The following NUBPL variants were observed in gnomAD, a reference collection of about 807,000 sequenced individuals.
NUBPL encodes iron-sulfur cluster transfer protein NUBPL.
NUBPL carries 31 observed loss-of-function variants against 45.7 expected under a neutral mutation model. The observed-to-expected ratio is 0.68, with a 90% CI of 0.51 to 0.92. NUBPL has a LOEUF of 0.92. NUBPL is among the 40% of genes least tolerant of loss of function. The pLI is 0.00. For synonymous variants in NUBPL, 144 were observed against 140.9 expected (o/e 1.02, Z -0.15); for missense variants, 401 against 398.7 (o/e 1.01, Z -0.05).
chr14:31,703,655 C>T (rs1280290178), intron 6 of NUBPL, among the ~76,000 whole-genome samples: 1 of 152,204 alleles, frequency 6.6e-6, no homozygotes, highest in Non-Finnish European at 1.5e-5. Flanking sequence ...GTCTTGAGAA[C>T]AGCATGGGAA....
At chr14:31,824,732 G>C (rs999467929) in intron 7 of NUBPL, among the ~76,000 whole-genome samples, 2 of 151,986 alleles carry the variant, frequency 1.3e-5, no homozygotes, top group African/African-American at 2.4e-5. Context: ...AGTATCATTT[G>C]ACCTTCACTT....
rs181140211 is a variant in NUBPL at position 31,774,578 on chromosome 14, C to T, written c.514-13202C>T. On this transcript the variant is annotated intron_variant, in intron 6 of 10. Coordinates refer to ENST00000281081, the MANE Select transcript of NUBPL (RefSeq NM_025152.3). Reference sequence around the variant, plus strand: ...ACACCATATTCTTTATAACGGATGTCCTGAAAAAGACAAATTACCTTATCT... The same window carrying T: ...ACACCATATTCTTTATAACGGATGTTCTGAAAAAGACAAATTACCTTATCT... Among the ~76,000 whole-genome samples, 284 of 152,206 alleles carry T rather than the reference C, an allele frequency of 1.9e-3. 3 individuals are homozygous for T. The highest frequency in any genetic ancestry group is 0.01 in the Middle Eastern group (3 of 294).
intron 4 of NUBPL, among the ~76,000 whole-genome samples, chr14:31,637,988 A>G (rs1394952596): frequency 6.6e-6 from 1 of 152,124 alleles, no homozygotes; most frequent in Non-Finnish European, 1.5e-5. Context: ...GTGTCTCTGC[A>G]CGTGAGATGG....
At chr14:31,849,276 C>T (rs1208893186) in intron 9 of NUBPL, among the ~76,000 whole-genome samples, 1 of 152,104 alleles carries the variant, frequency 6.6e-6, no homozygotes, top group Non-Finnish European at 1.5e-5. Context: ...ATAACTTTTG[C>T]ATGGATTTGG....
chr14:31,850,169 C>A lies in NUBPL; in HGVS notation c.865C>A (p.Pro289Thr). The A allele has an allele frequency of 6.2e-7, 1 of 1,613,832 alleles. No homozygotes were observed. The highest frequency in any genetic ancestry group is 8.5e-7 in the Non-Finnish European group (1 of 1,179,844). ...AAGGGAAGCTTCAGATACAGGCCAG[C>A]CAATTGTGTTTTCACAGCCTGAAAG... ...NIREASDTGQ[P>T]IVFSQPESDE... The change falls in exon 10 of 11, where the codon CCA (proline) becomes ACA (threonine). Residue 289 changes from proline to threonine, a missense_variant. Physicochemically the swap from Pro to Thr is conservative, Grantham distance 38. Transcript: ENST00000281081.
rs184845225 is a variant in NUBPL at position 31,566,362 on chromosome 14, A to G, written c.291+1314A>G. On this transcript the variant is annotated intron_variant, in intron 3 of 10. Coordinates refer to ENST00000281081, the MANE Select transcript of NUBPL (RefSeq NM_025152.3). Reference sequence around the variant, plus strand: ...ATTCACCATAGAAACAGGTAGCATAAAAGGACTTTTAGGGAAGAAAATGTA... The same window carrying G: ...ATTCACCATAGAAACAGGTAGCATAGAAGGACTTTTAGGGAAGAAAATGTA... 7.7e-4 allele frequency among the ~76,000 whole-genome samples: 117 copies of G among 152,250 alleles called. No individual in the cohort carries two copies. In the East Asian group the frequency reaches 9.1e-3, roughly 12 times the overall value.
chr14:31,642,095 G>A (rs751533205), intron 4 of NUBPL, among the ~76,000 whole-genome samples: 6 of 152,058 alleles, frequency 3.9e-5, no homozygotes, highest in Non-Finnish European at 8.8e-5. Flanking sequence ...CTTGTCAGAT[G>A]GATAGTTTAC....
At chr14:31,786,145 G>A (rs939252914) in intron 6 of NUBPL, among the ~76,000 whole-genome samples, 2 of 151,258 alleles carry the variant, frequency 1.3e-5, no homozygotes, top group Non-Finnish European at 2.9e-5. Context: ...GTGATAGAGC[G>A]AGACCCTGTC....
intron 4 of NUBPL, among the ~76,000 whole-genome samples, chr14:31,648,729 A>G (rs1258404276): frequency 6.6e-6 from 1 of 152,226 alleles, no homozygotes; most frequent in African/African-American, 2.4e-5. Context: ...GTTAAACAAG[A>G]TAGTTTATTA....
At chr14:31,830,323 T>C (rs2040169123) in intron 8 of NUBPL, among the ~76,000 whole-genome samples, 1 of 152,232 alleles carries the variant, frequency 6.6e-6, no homozygotes, top group South Asian at 2.1e-4. Context: ...GAAGCCTCTT[T>C]CTTCAAGTAC....
rs572524182 is a variant in NUBPL at position 31,690,778 on chromosome 14, T to TGCAC, written c.513+17205_513+17208dup. 2.1e-3 allele frequency among the ~76,000 whole-genome samples: 321 copies of TGCAC among 152,268 alleles called. 1 individual carries two copies. The highest frequency in any genetic ancestry group is 7.4e-3 in the African/African-American group (306 of 41,554). On this transcript the variant is annotated intron_variant, in intron 6 of 10. Transcript: ENST00000281081. The stretch of plus-strand genomic sequence containing the variant: ...GATGAGGGATGAAGGGTTTCAGATA[T>TGCAC]GCACCTCAGAGAAATTCAAGACCTT...
chr14:31,675,551 A>G (rs562260815), intron 6 of NUBPL, among the ~76,000 whole-genome samples: 33 of 152,246 alleles, frequency 2.2e-4, no homozygotes, highest in Non-Finnish European at 3.7e-4. Flanking sequence ...TGTACAAATC[A>G]TGAGTATAAT....
chr14:31,775,936 G>C (rs1031222831), intron 6 of NUBPL, among the ~76,000 whole-genome samples: 2 of 152,206 alleles, frequency 1.3e-5, no homozygotes. Flanking sequence ...GATGGGGAGA[G>C]ACAGCCAGGT....
At chr14:31,776,050 T>G (rs1422191931) in intron 6 of NUBPL, among the ~76,000 whole-genome samples, 1 of 152,220 alleles carries the variant, frequency 6.6e-6, no homozygotes, top group Non-Finnish European at 1.5e-5. Context: ...TTATGGTAAT[T>G]TCTTTTCGTG....
intron 6 of NUBPL, among the ~76,000 whole-genome samples, chr14:31,695,282 G>A (rs1273233506): frequency 6.7e-6 from 1 of 150,022 alleles, no homozygotes; most frequent in African/African-American, 2.4e-5. Context: ...ACTTACATGT[G>A]TACCTACAAC....
intron 4 of NUBPL, among the ~76,000 whole-genome samples, chr14:31,612,531 T>C (rs2034787196): frequency 6.6e-6 from 1 of 152,034 alleles, no homozygotes; most frequent in African/African-American, 2.4e-5. Flanking sequence ...CGTGGTGGCA[T>C]GTGCCTGTAA....
intron 6 of NUBPL, among the ~76,000 whole-genome samples, chr14:31,775,228 A>G (rs1229029152): frequency 6.6e-6 from 1 of 151,890 alleles, no homozygotes; most frequent in Non-Finnish European, 1.5e-5. Context: ...GACCAGCCTG[A>G]CCAACATGGT....
intron 6 of NUBPL, among the ~76,000 whole-genome samples, chr14:31,783,222 A>G (rs1249861839): frequency 1.3e-5 from 2 of 152,198 alleles, no homozygotes; most frequent in Non-Finnish European, 2.9e-5. Flanking sequence ...GCCAGGAAGC[A>G]TGATCTGATT....
At chr14:31,685,434 T>C (rs994678082) in intron 6 of NUBPL, among the ~76,000 whole-genome samples, 1 of 152,010 alleles carries the variant, frequency 6.6e-6, no homozygotes. Flanking sequence ...ATTCAAGAAT[T>C]TGGGGGCTGG....
Sources: allele counts gnomAD v4.1 joint callset (sites outside exome capture counted in the v4.1 genomes callset), GRCh38; gene constraint gnomAD v4.1.1; transcripts MANE v1.5; gene names NCBI Gene and HGNC (gene_info 2026-07-23, HGNC 2026-07-21).